PCDHGB7: variants seen among roughly 807,000 people sequenced by gnomAD.
PCDHGB7 encodes the protein protocadherin gamma subfamily B, 7.
PCDHGB7 carries 37 observed loss-of-function variants against 61.4 expected under a neutral mutation model. The ratio of observed to expected loss-of-function variants is 0.60; its 90% confidence interval spans 0.46 to 0.79. PCDHGB7 has a LOEUF of 0.79. Among genes scored for constraint, PCDHGB7 ranks in the 30% least tolerant of loss-of-function variants. PCDHGB7 has a pLI of 0.00. For synonymous variants in PCDHGB7, 464 were observed against 503.5 expected (o/e 0.92, Z 1.05); for missense variants, 1,166 against 1,202.5 (o/e 0.97, Z 0.45).
intron 1 of PCDHGB7, among the ~76,000 whole-genome samples, chr5:141,484,419 A>G (rs978469951): frequency 1.3e-5 from 2 of 152,206 alleles, no homozygotes; most frequent in Non-Finnish European, 2.9e-5. Flanking sequence ...TCCTGTTACA[A>G]TGAGAACATG....
rs1440548961 is a variant in PCDHGB7, at chr5:141,419,586, A to T, written c.1727A>T (p.Asp576Val). 1 of 1,611,696 alleles carries T rather than the reference A, an allele frequency of 6.2e-7. No homozygotes were observed. Among genetic ancestry groups the T allele is most frequent in the Non-Finnish European group, 8.5e-7 (1 of 1,179,564 alleles). Residue 576 changes from aspartate to valine, a missense_variant, in exon 1 of 4, where the codon GAC becomes GTC. Asp to Val is a radical substitution (Grantham distance 152). Coordinates refer to ENST00000398594, the MANE Select transcript of PCDHGB7 (RefSeq NM_018927.4). ...ALGPDGSALFDTVPRAAQPGY... is the reference protein window; with the variant it reads ...ALGPDGSALFVTVPRAAQPGY... ...GGTCCCGACGGCTCCGCGCTCTTCG[A>T]CACAGTGCCGCGGGCCGCGCAGCCA...
At chr5:141,499,880 G>A (rs1177287013) in intron 2 of PCDHGB7, among the ~76,000 whole-genome samples, 1 of 151,886 alleles carries the variant, frequency 6.6e-6, no homozygotes, top group African/African-American at 2.4e-5. Flanking sequence ...TACAAACAGG[G>A]TTTCGCCATG....
chr5:141,418,572 A>AC lies in PCDHGB7; in HGVS notation c.719dup (p.Val241SerfsTer10), dbSNP rs752316020. ...ATCCTGGTAATAGATGCCAATGACAACCCCCCAGTGTTCAGCCAGGACGTG... is the reference window on the plus strand; with the variant it reads ...ATCCTGGTAATAGATGCCAATGACAACCCCCCCAGTGTTCAGCCAGGACGTG... On this transcript the variant is annotated frameshift_variant, in exon 1 of 4. Coordinates refer to ENST00000398594, the MANE Select transcript of PCDHGB7 (RefSeq NM_018927.4). LOFTEE classifies it high-confidence loss of function. 1.2e-6 allele frequency: 2 copies of AC among 1,613,794 alleles called. No individual in the cohort carries two copies. Among genetic ancestry groups the AC allele is most frequent in the African/African-American group, 1.3e-5 (1 of 74,948 alleles).
rs1364068033 is a variant in PCDHGB7 at position 141,490,353 on chromosome 5, G to A, written c.2416-4454G>A. 3.1e-6 allele frequency: 5 copies of A among 1,614,090 alleles called. No individual in the cohort carries two copies. The highest frequency in any genetic ancestry group is 4.2e-6 in the Non-Finnish European group (5 of 1,180,046). On this transcript the variant is annotated intron_variant, in intron 1 of 3. Transcript: ENST00000398594. This position sits in a 1 kb window ranked among gnomAD's most constrained non-coding sequence, Gnocchi z 5.4. ...CACCAGTGGGCACAGTAGTGGGGTT[G>A]TTTAATGTGCGAGACCGGGACTCAG...
At chr5:141,495,277 G>A (rs2099760037) in intron 2 of PCDHGB7, among the ~76,000 whole-genome samples, 1 of 152,168 alleles carries the variant, frequency 6.6e-6, no homozygotes, top group African/African-American at 2.4e-5. Context: ...ACCGGAGGAG[G>A]CGGTCCGCAC....
At position 141,491,251 on chromosome 5, in the gene PCDHGB7, C is replaced by A; in HGVS notation, c.2416-3556C>A. On this transcript the variant is annotated intron_variant, in intron 1 of 3. Coordinates refer to ENST00000398594, the MANE Select transcript of PCDHGB7 (RefSeq NM_018927.4). This position sits in a 1 kb window ranked among gnomAD's most constrained non-coding sequence, Gnocchi z 6.9. ...GCTGCTGGTTCTGGAGGATGAGGAC[C>A]CTGAGGAAATGCCCAAATCCAGTGA... 6.2e-7 allele frequency: 1 copy of A among 1,614,144 alleles called. No homozygotes were observed. Among genetic ancestry groups the A allele is most frequent in the Non-Finnish European group, 8.5e-7 (1 of 1,180,016 alleles).
chr5:141,490,641 G>A lies in PCDHGB7; in HGVS notation c.2416-4166G>A. 3 of 1,614,160 alleles carry A rather than the reference G, an allele frequency of 1.9e-6. No homozygotes were observed. On this transcript the variant is annotated intron_variant, in intron 1 of 3. Transcript: ENST00000398594. This position sits in a 1 kb window ranked among gnomAD's most constrained non-coding sequence, Gnocchi z 5.4. Reference sequence around the variant, plus strand: ...ACACTGCTTACATCCTAGAAAACCGGCCTCCGGGCTCCCTTCTTTGCACTG... The same window carrying A: ...ACACTGCTTACATCCTAGAAAACCGACCTCCGGGCTCCCTTCTTTGCACTG...
chr5:141,464,419 A>G (rs2099083824), intron 1 of PCDHGB7, among the ~76,000 whole-genome samples: 1 of 151,768 alleles, frequency 6.6e-6, no homozygotes, highest in South Asian at 2.1e-4. Context: ...ATATATCTAT[A>G]TATATAGATA....
chr5:141,453,524 C>T (rs1351750021), intron 1 of PCDHGB7, among the ~76,000 whole-genome samples: 1 of 152,060 alleles, frequency 6.6e-6, no homozygotes, highest in Non-Finnish European at 1.5e-5. Flanking sequence ...TCCCCTATAC[C>T]TTCTGCCTCA....
chr5:141,458,825 C>A (rs1417477907), intron 1 of PCDHGB7, among the ~76,000 whole-genome samples: 1 of 152,102 alleles, frequency 6.6e-6, no homozygotes, highest in Non-Finnish European at 1.5e-5. Context: ...CTCTGCCTCC[C>A]AGGCTCAAGT....
chr5:141,482,530 CAAAAA>C (rs3074545), intron 1 of PCDHGB7, among the ~76,000 whole-genome samples: 1 of 76,558 alleles, frequency 1.3e-5, no homozygotes, highest in African/African-American at 4.8e-5. Context: ...GACAGACATG[CAAAAA>C]AAAAAAAAAA....
intron 1 of PCDHGB7, chr5:141,422,984 G>A (rs752694873): frequency 4.5e-5 from 73 of 1,614,112 alleles, no homozygotes; most frequent in Non-Finnish European, 5.9e-5. Flanking sequence ...GCGGAACCTG[G>A]CTACCTGGTG....
chr5:141,418,946 G>T lies in PCDHGB7; in HGVS notation c.1087G>T (p.Gly363Ter), dbSNP rs2096305161. Residue 363 changes from glycine (G) to a stop codon, truncating the protein, a stop_gained, in exon 1 of 4, where the codon GGA becomes TGA. Transcript: ENST00000398594. LOFTEE classifies it high-confidence loss of function. ...TCAGATTATGGAGGATTCCCCTCCA[G>T]GAGTGGTTGTTGCCCTCTTCAAAAC... ...SDQIMEDSPP[G>*]VVVALFKTRD... is the part of the protein sequence containing the mutation. The T allele has an allele frequency of 6.2e-7, 1 of 1,613,900 alleles. No individual in the cohort carries two copies. Among genetic ancestry groups the T allele is most frequent in the African/African-American group, 1.3e-5 (1 of 74,944 alleles).
At position 141,484,932 on chromosome 5, in the gene PCDHGB7, C is replaced by T. The variant is rs1594431677; in HGVS notation, c.2416-9875C>T. On this transcript the variant is annotated intron_variant, in intron 1 of 3. Coordinates refer to ENST00000398594, the MANE Select transcript of PCDHGB7 (RefSeq NM_018927.4). ...CGCATTAACCCTGCTGCTGTTGGGA[C>T]GTTCTCTGCTCAGCCTATTGGCTGA... 1.2e-5 allele frequency: 6 copies of T among 501,356 alleles called. No individual in the cohort carries two copies. The East Asian group carries it at 1.4e-4, about 12-fold the overall frequency. 31.1% of individuals were successfully genotyped at this position (501,356 alleles called of 1,614,324 possible).
intron 1 of PCDHGB7, among the ~76,000 whole-genome samples, chr5:141,456,955 T>A (rs1352654794): frequency 2.6e-5 from 4 of 151,974 alleles, no homozygotes; most frequent in African/African-American, 7.3e-5. Flanking sequence ...AGAGCAAAAC[T>A]CCATCTCAAA....
chr5:141,420,422 A>C, intron 1 of PCDHGB7, 148 bp downstream of exon 1: 1 of 1,196,438 alleles, frequency 8.4e-7, no homozygotes, highest in Non-Finnish European at 1.1e-6. Context: ...TATTAAAACA[A>C]AAGTTTAAAT....
intron 1 of PCDHGB7, chr5:141,427,247 T>C (rs1409945260): frequency 2.2e-6 from 1 of 456,582 alleles, no homozygotes; most frequent in Non-Finnish European, 4.4e-6. Context: ...AAGCTAAGGA[T>C]GGTGGAGGCA....
Position 141,421,718 on chromosome 5 carries a change from G to A in PCDHGB7, c.2415+1444G>A, listed in dbSNP as rs778263773. On this transcript the variant is annotated intron_variant, in intron 1 of 3. Transcript: ENST00000398594. ...CCTAATGCTAGGGATCCAGATGTGGGCGTGAACTCCCTCCAGAGCTACCAG... is the reference window on the plus strand; with the variant it reads ...CCTAATGCTAGGGATCCAGATGTGGACGTGAACTCCCTCCAGAGCTACCAG... 3.1e-6 allele frequency: 5 copies of A among 1,613,848 alleles called. No homozygotes were observed. The highest frequency in any genetic ancestry group is 2.7e-5 in the African/African-American group (2 of 74,938).
rs760319541 is a variant in PCDHGB7, at chr5:141,477,772, C to T, written c.2416-17035C>T. 1.2e-6 allele frequency: 2 copies of T among 1,614,026 alleles called. No homozygotes were observed. Among genetic ancestry groups the T allele is most frequent in the South Asian group, 1.1e-5 (1 of 91,088 alleles). ...CCCCGGTCCTAGCCACCAACATCAGCGTGAACATATTTGTCACTGATCGCA... is the reference window on the plus strand; with the variant it reads ...CCCCGGTCCTAGCCACCAACATCAGTGTGAACATATTTGTCACTGATCGCA... On this transcript the variant is annotated intron_variant, in intron 1 of 3. Coordinates refer to ENST00000398594, the MANE Select transcript of PCDHGB7 (RefSeq NM_018927.4). This position sits in a 1 kb window ranked among gnomAD's most constrained non-coding sequence, Gnocchi z 4.9.
Sources: gnomAD v4.1 joint callset for allele counts (sites outside exome capture counted in the v4.1 genomes callset) on GRCh38, gnomAD v4.1.1 for gene constraint, Gnocchi (gnomAD v3.1) non-coding constraint, MANE v1.5 for transcripts, NCBI Gene and HGNC (gene_info 2026-07-23, HGNC 2026-07-21) for gene names.